The following PCDH7 variants were observed in gnomAD, a reference collection of about 807,000 sequenced individuals.
PCDH7 encodes the protein protocadherin-7.
Under a neutral mutation model 58.9 loss-of-function variants are expected in PCDH7, and 17 were observed. The ratio of observed to expected loss-of-function variants is 0.29; its 90% confidence interval spans 0.20 to 0.43. PCDH7 has a LOEUF of 0.43. PCDH7 is among the 20% of genes least tolerant of loss of function. PCDH7 has a pLI of 1.00. For missense variants in PCDH7, 1,274 were observed against 1,441.0 expected, an observed-to-expected ratio of 0.88 and a Z score of 1.88; for synonymous variants, 664 against 616.4, an observed-to-expected ratio of 1.08 and a Z score of -1.14.
rs1719612707 is a variant in PCDH7 at position 30,758,572 on chromosome 4, C to A, written c.70+33976C>A. 3.9e-5 allele frequency among the ~76,000 whole-genome samples: 6 copies of A among 152,116 alleles called. No homozygotes were observed. In the South Asian group the frequency reaches 1.0e-3, roughly 26 times the overall value. ...GCCATACATATATATTTGAGGACAG[C>A]CAACATTCACAAAGATAAAAACCAC... On this transcript the variant is annotated intron_variant, in intron 1 of 3. Coordinates refer to the PCDH7 transcript ENST00000509759.
chr4:30,724,087 A>T (rs779584485), exon 1 of PCDH7: 2 of 1,614,106 alleles, frequency 1.2e-6, no homozygotes, highest in South Asian at 1.1e-5. Flanking sequence ...TGCTGGCATT[A>T]TGACGGTGAT....
chr4:31,037,906 C>CA (rs1220615494), intron 3 of PCDH7, among the ~76,000 whole-genome samples: 1 of 152,162 alleles, frequency 6.6e-6, no homozygotes, highest in Non-Finnish European at 1.5e-5. Context: ...TGACAAGTGA[C>CA]AGATAGATGA....
At chr4:30,965,668 A>G (rs1748930805) in intron 3 of PCDH7, among the ~76,000 whole-genome samples, 1 of 152,066 alleles carries the variant, frequency 6.6e-6, no homozygotes, top group Non-Finnish European at 1.5e-5. Flanking sequence ...TTCTCATTCT[A>G]TGCCATCATT....
chr4:30,759,517 A>G (rs907918034), intron 1 of PCDH7, among the ~76,000 whole-genome samples: 2 of 152,318 alleles, frequency 1.3e-5, no homozygotes, highest in South Asian at 4.1e-4. Context: ...AGAGAAAGAT[A>G]AAGTTCATAT....
intron 1 of PCDH7, among the ~76,000 whole-genome samples, chr4:30,763,578 T>G (rs566392906): frequency 4.6e-5 from 7 of 152,310 alleles, no homozygotes; most frequent in African/African-American, 1.7e-4. Flanking sequence ...TGTTACCTCA[T>G]GGGTATAGCT....
intron 2 of PCDH7, among the ~76,000 whole-genome samples, chr4:30,944,961 A>G (rs924106799): frequency 5.9e-5 from 9 of 152,146 alleles, no homozygotes; most frequent in African/African-American, 1.9e-4. Context: ...TAAGCAAAAT[A>G]TTATACATTT....
At chr4:30,912,800 A>G (rs1741965528) in intron 1 of PCDH7, among the ~76,000 whole-genome samples, 1 of 152,154 alleles carries the variant, frequency 6.6e-6, no homozygotes, top group African/African-American at 2.4e-5. Context: ...ATGGACTCCA[A>G]GGGGAAAGCA....
intron 1 of PCDH7, among the ~76,000 whole-genome samples, chr4:30,751,276 T>C (rs1718487794): frequency 6.6e-6 from 1 of 152,220 alleles, no homozygotes; most frequent in Non-Finnish European, 1.5e-5. Context: ...TGCATATTTA[T>C]TTGAGTGAGC....
At chr4:30,913,175 A>G (rs1165473332) in intron 1 of PCDH7, among the ~76,000 whole-genome samples, 3 of 151,788 alleles carry the variant, frequency 2.0e-5, no homozygotes, top group Non-Finnish European at 4.4e-5. Context: ...CATTAATAAT[A>G]TAATATTGAT....
At chr4:30,869,703 T>A (rs1251861590) in intron 1 of PCDH7, among the ~76,000 whole-genome samples, 1 of 152,172 alleles carries the variant, frequency 6.6e-6, no homozygotes, top group African/African-American at 2.4e-5. Context: ...TTTGGGTTGG[T>A]TTCAAGTCTT....
chr4:30,775,961 G>A (rs573750666), intron 1 of PCDH7, among the ~76,000 whole-genome samples: 167 of 152,190 alleles, frequency 1.1e-3, no homozygotes, highest in Non-Finnish European at 2.1e-3. Flanking sequence ...CAAGTGTAAC[G>A]CTTGGCGATT....
At chr4:31,082,714 G>A (rs1257318959) in intron 3 of PCDH7, among the ~76,000 whole-genome samples, 2 of 126,886 alleles carry the variant, frequency 1.6e-5, no homozygotes, top group Non-Finnish European at 3.1e-5. Context: ...TTAAAAGTAG[G>A]AACTAAGCTA....
chr4:30,788,342 T>C (rs1400590466), intron 1 of PCDH7, among the ~76,000 whole-genome samples: 2 of 152,118 alleles, frequency 1.3e-5, no homozygotes, highest in South Asian at 4.1e-4. Context: ...TTCTCCGCTA[T>C]TTGTACTCGT....
intron 1 of PCDH7, among the ~76,000 whole-genome samples, chr4:30,818,078 A>G (rs1727918390): frequency 6.6e-6 from 1 of 152,042 alleles, no homozygotes; most frequent in Admixed American, 6.6e-5. Context: ...GTACCTGCTT[A>G]GCCTTTTGAG....
At chr4:30,776,383 A>T (rs1722071609) in intron 1 of PCDH7, 1 of 152,360 alleles carries the variant, frequency 6.6e-6, no homozygotes, top group East Asian at 1.9e-4. Context: ...TTGCTTAAGC[A>T]GATTTGCTAG....
chr4:30,919,368 C>T (rs368633519), intron 1 of PCDH7, among the ~76,000 whole-genome samples: 27 of 152,210 alleles, frequency 1.8e-4, no homozygotes, highest in African/African-American at 6.0e-4. Context: ...TCAGTCCAGC[C>T]ATTGTCAGTA....
intron 1 of PCDH7, among the ~76,000 whole-genome samples, chr4:30,764,281 T>G (rs1237165002): frequency 1.3e-5 from 2 of 152,178 alleles, no homozygotes; most frequent in Non-Finnish European, 2.9e-5. Context: ...AGTCTTCATG[T>G]ATTCTGCAAG....
intron 1 of PCDH7, among the ~76,000 whole-genome samples, chr4:30,788,097 A>T (rs779297415): frequency 2.8e-4 from 42 of 152,134 alleles, no homozygotes; most frequent in Non-Finnish European, 4.4e-4. Context: ...TGTCTCACAT[A>T]GCGGCAGGAT....
At chr4:30,819,026 C>G (rs1338654026) in intron 1 of PCDH7, among the ~76,000 whole-genome samples, 1 of 152,168 alleles carries the variant, frequency 6.6e-6, no homozygotes, top group Non-Finnish European at 1.5e-5. Flanking sequence ...GTGCATCATT[C>G]CTGTTGTCAC....
Sources: gnomAD v4.1 joint callset for allele counts (sites outside exome capture counted in the v4.1 genomes callset) on GRCh38, gnomAD v4.1.1 for gene constraint, MANE v1.5 for transcripts, NCBI Gene and HGNC (gene_info 2026-07-23, HGNC 2026-07-21) for gene names.